Variants in EIF4A2 observed in about 807,000 individuals in gnomAD.
The protein encoded by EIF4A2 is eukaryotic initiation factor 4A-II.
A neutral mutation model predicts 50.6 loss-of-function variants in EIF4A2; 9 were observed. The observed-to-expected ratio is 0.18, with a 90% CI of 0.11 to 0.31. EIF4A2 has a LOEUF of 0.31. Ranked by LOEUF, EIF4A2 falls within the 10% of genes least tolerant of loss-of-function variation. The pLI is 1.00. For missense variants in EIF4A2, 182 were observed against 501.8 expected (o/e 0.36, Z 6.09); for synonymous variants, 215 against 164.4 (o/e 1.31, Z -2.35).
chr3:186,788,449 GATT>G (rs1721902563), intron 10 of EIF4A2: 1 of 1,224,778 alleles, frequency 8.2e-7, no homozygotes, highest in Non-Finnish European at 1.0e-6. Flanking sequence ...CTTTTGTCAT[GATT>G]ATTTGATTTT....
At position 186,785,948 on chromosome 3, in the gene EIF4A2, A is replaced by G; in HGVS notation, c.414A>G (p.Gly138=). The G allele has an allele frequency of 6.2e-7, 1 of 1,613,136 alleles. No individual in the cohort carries two copies. The highest frequency in any genetic ancestry group is 8.5e-7 in the Non-Finnish European group (1 of 1,179,136). The change falls in exon 5 of 11, where the codon GGA becomes GGG. Residue 138 remains glycine, a synonymous_variant. Transcript: ENST00000323963. ...MGATCHACIG[G]TNVRNEMQKL... is the part of the protein sequence containing the mutation. Reference sequence around the variant, plus strand: ...CCACTTGTCATGCCTGCATTGGTGGAACAAATGTTCGAAATGAAATGCAAA... The same window carrying G: ...CCACTTGTCATGCCTGCATTGGTGGGACAAATGTTCGAAATGAAATGCAAA...
In EIF4A2 at chr3:186,783,577, C is replaced by G. The variant is rs368938056; in HGVS notation, c.-34C>G. On this transcript the variant is annotated 5_prime_UTR_variant, in exon 1 of 11. Coordinates refer to ENST00000323963, the MANE Select transcript of EIF4A2 (RefSeq NM_001967.4). The stretch of plus-strand genomic sequence containing the variant: ...AAAACGGGTGGTTGGGCGCCGCTGT[C>G]TTTTCAGTCGGGCGCTGAGTGGTTT... The G allele has an allele frequency of 1.6e-5, 26 of 1,614,038 alleles. No individual in the cohort carries two copies. The highest frequency in any genetic ancestry group is 4.5e-5 in the East Asian group (2 of 44,896).
intron 10 of EIF4A2, 30 bp downstream of exon 10, chr3:186,787,912 A>C: frequency 6.2e-7 from 1 of 1,608,344 alleles, no homozygotes; most frequent in Non-Finnish European, 8.5e-7. Flanking sequence ...GCTGTATTGA[A>C]AAAAATTCAT....
In EIF4A2 at chr3:186,787,100, G is replaced by A. The variant is rs202021088; in HGVS notation, c.772-27G>A. On this transcript the variant is annotated intron_variant, in intron 7 of 10. Coordinates refer to ENST00000323963, the MANE Select transcript of EIF4A2 (RefSeq NM_001967.4). ...GAAGAGTTGGAAAAACTAAATGACTGTTAACTTTAACTTCTAAACATTACA... is the reference window on the plus strand; with the variant it reads ...GAAGAGTTGGAAAAACTAAATGACTATTAACTTTAACTTCTAAACATTACA... 1.3e-5 allele frequency: 21 copies of A among 1,611,836 alleles called. No homozygotes were observed. The East Asian group carries it at 2.7e-4, about 21-fold the overall frequency.
At chr3:186,784,121 C>G (rs1438940091) in intron 1 of EIF4A2, 11 of 500,328 alleles carry the variant, frequency 2.2e-5, no homozygotes, top group Non-Finnish European at 3.6e-5. Flanking sequence ...CCTCGCCAGG[C>G]CGCTCCGCCC....
In EIF4A2 at chr3:186,787,791, A is replaced by T; in HGVS notation, c.1000-12A>T. On this transcript the variant is annotated splice_polypyrimidine_tract_variant and intron_variant, in intron 9 of 10. Transcript: ENST00000323963. ...TTTGAATCAATTTTTAAAACATGCC[A>T]TTGTGTTTCAGGCTCGCGGGATTGA... 1.2e-6 allele frequency: 2 copies of T among 1,613,938 alleles called. No homozygotes were observed. Among genetic ancestry groups the T allele is most frequent in the Non-Finnish European group, 1.7e-6 (2 of 1,179,928 alleles).
chr3:186,784,085 C>T (rs542886542), intron 1 of EIF4A2: 8 of 467,628 alleles, frequency 1.7e-5, no homozygotes, highest in African/African-American at 1.2e-4. Context: ...GGGACAGGAC[C>T]GGTGCCGGTG....
At chr3:186,785,239 T>G (rs1181857033) in intron 4 of EIF4A2, 138 bp downstream of exon 4, 1 of 1,330,046 alleles carries the variant, frequency 7.5e-7, no homozygotes, top group African/African-American at 1.5e-5. Context: ...GCAGGGAGTT[T>G]TTGTTGAAAG....
In EIF4A2 at chr3:186,783,608, A is replaced by C. The variant is rs768461790; in HGVS notation, c.-3A>C. The C allele has an allele frequency of 1.9e-6, 3 of 1,613,912 alleles. No homozygotes were observed. The highest frequency in any genetic ancestry group is 2.5e-6 in the Non-Finnish European group (3 of 1,180,010). ...AGTCGGGCGCTGAGTGGTTTTTCGG[A>C]TCATGTCTGGTGGCTCCGCGGATTA... On this transcript the variant is annotated 5_prime_UTR_variant, in exon 1 of 11. Coordinates refer to ENST00000323963, the MANE Select transcript of EIF4A2 (RefSeq NM_001967.4).
intron 1 of EIF4A2, chr3:186,784,135 T>G (rs1231623563): frequency 5.8e-6 from 3 of 517,134 alleles, no homozygotes; most frequent in African/African-American, 3.8e-5. Flanking sequence ...TCCGCCCGCG[T>G]CAATCACCCG....
rs746728546 is a variant in EIF4A2, at chr3:186,787,791, A to G, written c.1000-12A>G. On this transcript the variant is annotated splice_polypyrimidine_tract_variant and intron_variant, in intron 9 of 10. Coordinates refer to ENST00000323963, the MANE Select transcript of EIF4A2 (RefSeq NM_001967.4). ...TTTGAATCAATTTTTAAAACATGCC[A>G]TTGTGTTTCAGGCTCGCGGGATTGA... 7.4e-6 allele frequency: 12 copies of G among 1,613,938 alleles called. No individual in the cohort carries two copies. The highest frequency in any genetic ancestry group is 4.5e-5 in the East Asian group (2 of 44,878).
intron 10 of EIF4A2, chr3:186,788,412 A>G: frequency 7.9e-7 from 1 of 1,269,594 alleles, no homozygotes; most frequent in Non-Finnish European, 1.0e-6. Flanking sequence ...TTGAATAAAG[A>G]GCGAGTCGGT....
Position 186,784,676 on chromosome 3 carries a change from CTAT to C in EIF4A2, c.193_195del (p.Ile65del), listed in dbSNP as rs755185062. The C allele has an allele frequency of 6.2e-7, 1 of 1,614,108 alleles. No individual in the cohort carries two copies. The highest frequency in any genetic ancestry group is 8.5e-7 in the Non-Finnish European group (1 of 1,179,988). On this transcript the variant is annotated inframe_deletion, in exon 3 of 11. Coordinates refer to ENST00000323963, the MANE Select transcript of EIF4A2 (RefSeq NM_001967.4). ...AAGCCTTCCGCTATTCAGCAGAGAG[CTAT>C]TATTCCCTGTATTAAAGGTAAAAGA...
At chr3:186,788,174 C>CT in intron 10 of EIF4A2, 2 of 753,082 alleles carry the variant, frequency 2.7e-6, no homozygotes, top group South Asian at 3.6e-5. Flanking sequence ...GTGATTTTTT[C>CT]TATAGTTGGG....
Position 186,787,112 on chromosome 3 carries a change from TTCTA to T in EIF4A2, c.772-14_772-11del. 1.2e-6 allele frequency: 2 copies of T among 1,612,874 alleles called. No individual in the cohort carries two copies. The highest frequency in any genetic ancestry group is 1.7e-6 in the Non-Finnish European group (2 of 1,179,862). On this transcript the variant is annotated splice_polypyrimidine_tract_variant and intron_variant, in intron 7 of 10. Coordinates refer to ENST00000323963, the MANE Select transcript of EIF4A2 (RefSeq NM_001967.4). ...AAACTAAATGACTGTTAACTTTAAC[TTCTA>T]AACATTACAGGAATGGAAGTTGGAT... is the stretch of plus-strand genomic sequence containing the variant.
Position 186,789,437 on chromosome 3 carries a change from A to G in EIF4A2, c.*168A>G. The G allele has an allele frequency of 2.1e-6, 2 of 935,700 alleles. No homozygotes were observed. The highest frequency in any genetic ancestry group is 3.0e-6 in the Non-Finnish European group (2 of 663,822). 58.0% of individuals were successfully genotyped at this position (935,700 alleles called of 1,614,324 possible). On this transcript the variant is annotated 3_prime_UTR_variant, in exon 11 of 11. Transcript: ENST00000323963. ...GCGACGTTAGTCGTGAGCTCTTGTG[A>G]GGAAAGTCATTGGCTTTATCCTCTT...
At chr3:186,788,397 A>G (rs1235546370) in intron 10 of EIF4A2, 10 of 1,282,806 alleles carry the variant, frequency 7.8e-6, no homozygotes, top group Non-Finnish European at 1.0e-5. Flanking sequence ...GAAACAGCAC[A>G]CTGTTTGAAT....
chr3:186,788,503 C>G (rs1284609658), intron 10 of EIF4A2: 3 of 1,097,372 alleles, frequency 2.7e-6, no homozygotes, highest in South Asian at 3.3e-5. Context: ...ATTAGTATTT[C>G]TATTAGGGAA....
rs1447626527 is a variant in EIF4A2, at chr3:186,788,379, T to C, written c.1079+497T>C. ...CGTTGACGTAATTTAGGACGTGGAA[T>C]CATAAGCGAAACAGCACACTGTTTG... On this transcript the variant is annotated intron_variant, in intron 10 of 10. Coordinates refer to ENST00000323963, the MANE Select transcript of EIF4A2 (RefSeq NM_001967.4). 48 of 1,289,334 alleles carry C rather than the reference T, an allele frequency of 3.7e-5. No individual in the cohort carries two copies. In the South Asian group the frequency reaches 5.8e-4, roughly 16 times the overall value. 79.9% of individuals were successfully genotyped at this position (1,289,334 alleles called of 1,614,324 possible).
Sources: gnomAD v4.1 joint callset for allele counts on GRCh38, gnomAD v4.1.1 for gene constraint, MANE v1.5 for transcripts, NCBI Gene and HGNC (gene_info 2026-07-23, HGNC 2026-07-21) for gene names.